PRKAR1A: variants seen among roughly 807,000 people sequenced by gnomAD.
PRKAR1A encodes protein kinase cAMP-dependent type I regulatory subunit alpha, also known as cAMP-dependent protein kinase type I-alpha regulatory subunit.
Under a neutral mutation model 52.0 loss-of-function variants are expected in PRKAR1A, and 3 were observed. That is an observed-to-expected ratio of 0.06 (90% CI 0.03 to 0.15). The LOEUF (loss-of-function observed/expected upper bound fraction) is 0.15. PRKAR1A is among the 10% of genes least tolerant of loss of function. PRKAR1A has a pLI of 1.00. For synonymous variants in PRKAR1A, 188 were observed against 168.4 expected, an observed-to-expected ratio of 1.12 and a Z score of -0.90; for missense variants, 240 against 477.4, an observed-to-expected ratio of 0.50 and a Z score of 4.63.
the PRKAR1A span, chr17:68,434,662 T>C: frequency 1.2e-6 from 2 of 1,608,680 alleles, no homozygotes; most frequent in Non-Finnish European, 1.7e-6. Context: ...TCATAACCAT[T>C]AGTGGCTTTA....
the PRKAR1A span, chr17:68,452,980 AG>A: frequency 1.2e-6 from 2 of 1,613,758 alleles, no homozygotes; most frequent in Non-Finnish European, 8.5e-7. Context: ...CTTTAGTTCC[AG>A]TTGCTAGGGA....
At chr17:68,424,584 C>A in the PRKAR1A span, 1 of 502,176 alleles carries the variant, frequency 2.0e-6, no homozygotes, top group Non-Finnish European at 4.1e-6. Flanking sequence ...TTGGCCCAAA[C>A]ACTACTTCCG....
At chr17:68,523,045 A>G (rs1399552334) in intron 3 of PRKAR1A, 119 bp downstream of exon 3, 2 of 1,247,858 alleles carry the variant, frequency 1.6e-6, no homozygotes, top group Non-Finnish European at 2.2e-6. Context: ...TCCATCCTGT[A>G]CAATTCTTGG....
chr17:68,521,605 C>T (rs1409116432), intron 2 of PRKAR1A, among the ~76,000 whole-genome samples: 2 of 152,194 alleles, frequency 1.3e-5, no homozygotes, highest in African/African-American at 4.8e-5. Context: ...GAAAACCTTA[C>T]TGGTTATTGG....
At position 68,533,341 on chromosome 17, in the gene PRKAR1A, ATG is replaced by A; in HGVS notation, c.*2896_*2897del. ...TTCTTTAAATTGTGTTGCTTTGAAC[ATG>A]TGTACCTTTTCTAGATTCAGTAATC... On this transcript the variant is annotated 3_prime_UTR_variant, in exon 11 of 11. Transcript: ENST00000589228. 1.0e-5 allele frequency: 11 copies of A among 1,062,624 alleles called. No homozygotes were observed. Among genetic ancestry groups the A allele is most frequent in the Non-Finnish European group, 1.3e-5 (11 of 877,420 alleles). 65.8% of individuals were successfully genotyped at this position (1,062,624 alleles called of 1,614,324 possible).
At chr17:68,517,091 A>T (rs1200227084) in intron 2 of PRKAR1A, among the ~76,000 whole-genome samples, 1 of 152,262 alleles carries the variant, frequency 6.6e-6, no homozygotes, top group East Asian at 1.9e-4. Flanking sequence ...AAAGCAATAA[A>T]TAATTATTAA....
At chr17:68,486,509 CTTTCT>C in the PRKAR1A span, among the ~76,000 whole-genome samples, 1 of 43,380 alleles carries the variant, frequency 2.3e-5, no homozygotes, top group African/African-American at 8.4e-5. Flanking sequence ...TTCCTTCCTT[CTTTCT>C]TTCTTTCTTT....
chr17:68,517,085 C>T (rs2085456990), intron 2 of PRKAR1A, among the ~76,000 whole-genome samples: 1 of 152,132 alleles, frequency 6.6e-6, no homozygotes, highest in African/African-American at 2.4e-5. Flanking sequence ...AGGTGGAAAG[C>T]AATAAATAAT....
At chr17:68,440,738 T>C in the PRKAR1A span, 2 of 152,196 alleles carry the variant, frequency 1.3e-5, no homozygotes, top group African/African-American at 4.8e-5. Flanking sequence ...CAAGAACCAA[T>C]GGCATCATCA....
chr17:68,492,247 G>A, the PRKAR1A span, among the ~76,000 whole-genome samples: 1 of 152,160 alleles, frequency 6.6e-6, no homozygotes, highest in Non-Finnish European at 1.5e-5. Context: ...CAGGCAGTGC[G>A]GGTTCTTGGG....
chr17:68,486,386 C>CTCTT, the PRKAR1A span, among the ~76,000 whole-genome samples: 160 of 135,596 alleles, frequency 1.2e-3, 1 homozygote, highest in South Asian at 0.015. Context: ...TTCTTTCTTT[C>CTCTT]TCTTTCTTTC....
chr17:68,517,352 C>T (rs1054905512), intron 2 of PRKAR1A, among the ~76,000 whole-genome samples: 1 of 152,178 alleles, frequency 6.6e-6, no homozygotes, highest in Non-Finnish European at 1.5e-5. Flanking sequence ...CGTTGTCATG[C>T]TGCTAATAAA....
At chr17:68,548,763 C>T (rs1784895155) in intron 11 of PRKAR1A, among the ~76,000 whole-genome samples, 1 of 128,254 alleles carries the variant, frequency 7.8e-6, no homozygotes, top group African/African-American at 3.0e-5. Context: ...GACAGAATCT[C>T]CCTCTGTCGC....
the PRKAR1A span, among the ~76,000 whole-genome samples, chr17:68,492,189 G>A: frequency 6.6e-6 from 1 of 152,194 alleles, no homozygotes; most frequent in African/African-American, 2.4e-5. Flanking sequence ...TGGTTCATTC[G>A]GCAGGTGCTC....
At chr17:68,451,160 C>T in the PRKAR1A span, among the ~76,000 whole-genome samples, 7 of 152,348 alleles carry the variant, frequency 4.6e-5, no homozygotes, top group Middle Eastern at 6.8e-3. Flanking sequence ...CCTGGCATGG[C>T]GGCTCACGCC....
At chr17:68,492,949 T>C in the PRKAR1A span, among the ~76,000 whole-genome samples, 1 of 152,238 alleles carries the variant, frequency 6.6e-6, no homozygotes, top group East Asian at 1.9e-4. Flanking sequence ...TCTTTGTTAC[T>C]GTGCATAGTG....
At chr17:68,420,186 T>C in the PRKAR1A span, 2 of 1,613,584 alleles carry the variant, frequency 1.2e-6, no homozygotes, top group African/African-American at 1.3e-5. Flanking sequence ...ATTCCCTCTC[T>C]AGGTGGAGCC....
chr17:68,537,298 C>T (rs1457275978), downstream of PRKAR1A: 5 of 820,612 alleles, frequency 6.1e-6, no homozygotes, highest in South Asian at 2.9e-5. This position sits in a 1 kb window ranked among gnomAD's most constrained non-coding sequence, Gnocchi z 4.2. Flanking sequence ...AGAAGCGGTG[C>T]ACCAAGGAGT....
the PRKAR1A span, chr17:68,421,650 G>C: frequency 3.6e-6 from 5 of 1,394,434 alleles, no homozygotes; most frequent in Non-Finnish European, 5.1e-6. Flanking sequence ...TTAAGCAGTG[G>C]AGCACCCGGG....
Sources: gnomAD v4.1 joint callset for allele counts (sites outside exome capture counted in the v4.1 genomes callset) on GRCh38, gnomAD v4.1.1 for gene constraint, Gnocchi (gnomAD v3.1) non-coding constraint, MANE v1.5 for transcripts, NCBI Gene and HGNC (gene_info 2026-07-23, HGNC 2026-07-21) for gene names.